Variants in SAMMSON observed in about 807,000 individuals in gnomAD.
The protein encoded by SAMMSON is survival associated mitochondrial melanoma specific oncogenic non-coding RNA.
At chr3:70,101,305 G>T (rs934648292) in intron 4 of SAMMSON, among the ~76,000 whole-genome samples, 1 of 152,012 alleles carries the variant, frequency 6.6e-6, no homozygotes, top group Non-Finnish European at 1.5e-5. Context: ...CAGGATGGAA[G>T]AAGTAAACAC....
chr3:70,189,829 T>C (rs556515435), intron 4 of SAMMSON, among the ~76,000 whole-genome samples: 1 of 152,274 alleles, frequency 6.6e-6, no homozygotes, highest in Admixed American at 6.5e-5. Context: ...AGATTTAGCA[T>C]CTCTGGAAAT....
At chr3:70,076,657 G>C (rs2067249422) in intron 4 of SAMMSON, among the ~76,000 whole-genome samples, 1 of 152,108 alleles carries the variant, frequency 6.6e-6, no homozygotes, top group African/African-American at 2.4e-5. Context: ...TGCCAGCAAA[G>C]GTTCCAGATA....
chr3:70,322,565 G>A lies in SAMMSON; in HGVS notation n.739+31322G>A, dbSNP rs115694202. Among the ~76,000 whole-genome samples the A allele has an allele frequency of 4.7e-3, 720 of 152,222 alleles. 3 individuals carry two copies. Among genetic ancestry groups the A allele is most frequent in the Non-Finnish European group, 8.4e-3 (572 of 67,980 alleles). On this transcript the variant is annotated intron_variant and non_coding_transcript_variant, in intron 7 of 9. Coordinates refer to ENST00000642114, the Ensembl canonical transcript of SAMMSON. ...GAGGGAAAGAAAAAAATGTTATCTTGATCAGTCTTTTCTCTAGACCACCTC... is the reference window on the plus strand; with the variant it reads ...GAGGGAAAGAAAAAAATGTTATCTTAATCAGTCTTTTCTCTAGACCACCTC...
At chr3:70,261,008 T>C (rs942050064) in intron 6 of SAMMSON, among the ~76,000 whole-genome samples, 1 of 152,144 alleles carries the variant, frequency 6.6e-6, no homozygotes, top group Admixed American at 6.6e-5. Context: ...TCTTGAAAAA[T>C]TCCGCTTGAC....
At chr3:70,231,345 A>C (rs779770847) in intron 4 of SAMMSON, among the ~76,000 whole-genome samples, 73 of 152,162 alleles carry the variant, frequency 4.8e-4, no homozygotes, top group Non-Finnish European at 8.7e-4. Flanking sequence ...GCAGCCCGCC[A>C]TCTCTCTCTG....
chr3:70,208,187 G>A (rs1478550611), intron 4 of SAMMSON, among the ~76,000 whole-genome samples: 1 of 152,050 alleles, frequency 6.6e-6, no homozygotes, highest in Admixed American at 6.6e-5. Flanking sequence ...CTCGTGGTTT[G>A]GTGGCACAAC....
chr3:70,401,732 G>T (rs1701143499), intron 2 of SAMMSON, among the ~76,000 whole-genome samples: 1 of 151,912 alleles, frequency 6.6e-6, no homozygotes. Context: ...TTTAGCTTAG[G>T]TTTCCTTTTT....
intron 7 of SAMMSON, among the ~76,000 whole-genome samples, chr3:70,346,051 T>G (rs1702748257): frequency 6.6e-6 from 1 of 152,192 alleles, no homozygotes; most frequent in African/African-American, 2.4e-5. Flanking sequence ...TGTAGTAAAC[T>G]GCCAAACTGT....
intron 4 of SAMMSON, among the ~76,000 whole-genome samples, chr3:70,140,682 C>T (rs1256071234): frequency 6.6e-6 from 1 of 152,148 alleles, no homozygotes; most frequent in African/African-American, 2.4e-5. Flanking sequence ...TCTACAAAAA[C>T]AAGGTTTCCT....
At chr3:70,060,677 G>T (rs1210929683) in intron 3 of SAMMSON, among the ~76,000 whole-genome samples, 1 of 152,220 alleles carries the variant, frequency 6.6e-6, no homozygotes, top group East Asian at 1.9e-4. Flanking sequence ...AGAGGCCAGG[G>T]ATGCTGTTAA....
intron 7 of SAMMSON, among the ~76,000 whole-genome samples, chr3:70,295,384 A>C (rs1333087316): frequency 6.6e-6 from 1 of 152,114 alleles, no homozygotes; most frequent in Non-Finnish European, 1.5e-5. Flanking sequence ...CAACCCTTTG[A>C]CTGAATTATT....
chr3:70,113,355 G>A (rs1333186027), intron 4 of SAMMSON, among the ~76,000 whole-genome samples: 2 of 152,144 alleles, frequency 1.3e-5, no homozygotes, highest in African/African-American at 4.8e-5. Flanking sequence ...TTAAAAGCCA[G>A]AGTAAATAAT....
chr3:70,023,824 G>C (rs1375847883), intron 3 of SAMMSON, among the ~76,000 whole-genome samples: 1 of 152,022 alleles, frequency 6.6e-6, no homozygotes, highest in Non-Finnish European at 1.5e-5. Flanking sequence ...AATAGGCCTG[G>C]GCCAAATTTG....
At chr3:70,280,169 A>G (rs892254407) in intron 6 of SAMMSON, among the ~76,000 whole-genome samples, 1 of 151,926 alleles carries the variant, frequency 6.6e-6, no homozygotes, top group Non-Finnish European at 1.5e-5. Context: ...CTGCACTCCA[A>G]TCTCTGTCCC....
intron 4 of SAMMSON, among the ~76,000 whole-genome samples, chr3:70,163,310 A>G (rs1348693898): frequency 1.3e-5 from 2 of 148,670 alleles, no homozygotes; most frequent in Non-Finnish European, 3.0e-5. Context: ...ATAAATCAGA[A>G]CTATATATAT....
chr3:70,227,678 G>A (rs1000965547), intron 4 of SAMMSON, among the ~76,000 whole-genome samples: 13 of 152,154 alleles, frequency 8.5e-5, no homozygotes, highest in Admixed American at 6.5e-5. Context: ...AATTTCTACA[G>A]GCTTTTGAGA....
chr3:70,283,584 A>T (rs1702110603), intron 6 of SAMMSON: 1 of 152,052 alleles, frequency 6.6e-6, no homozygotes, highest in Admixed American at 6.6e-5. Context: ...CTATACAATG[A>T]GCTTGGTTGT....
At chr3:70,108,640 G>C (rs905332257) in intron 4 of SAMMSON, among the ~76,000 whole-genome samples, 1 of 151,768 alleles carries the variant, frequency 6.6e-6, no homozygotes, top group African/African-American at 2.4e-5. Flanking sequence ...ATGAGGTCTT[G>C]AGGGTGGGGC....
At chr3:70,080,563 A>G (rs2067264302) in intron 4 of SAMMSON, among the ~76,000 whole-genome samples, 1 of 151,960 alleles carries the variant, frequency 6.6e-6, no homozygotes, top group Non-Finnish European at 1.5e-5. Context: ...CTCTGTTTCT[A>G]TTGGCTTATC....
Sources: gnomAD v4.1 joint callset for allele counts (sites outside exome capture counted in the v4.1 genomes callset) on GRCh38, gnomAD v4.1.1 for gene constraint, MANE v1.5 for transcripts, NCBI Gene and HGNC (gene_info 2026-07-23, HGNC 2026-07-21) for gene names.